EMILIN2: variants seen among roughly 807,000 people sequenced by gnomAD.
EMILIN2 encodes the protein elastin microfibril interfacer 2.
EMILIN2 carries 71 observed loss-of-function variants against 87.1 expected under a neutral mutation model. The ratio of observed to expected loss-of-function variants is 0.82; its 90% CI spans 0.67 to 0.99. The LOEUF is 0.99. Ranked by LOEUF, EMILIN2 falls within the 50% of genes least tolerant of loss-of-function variation. The pLI is 0.00. For synonymous variants in EMILIN2, 581 were observed against 563.4 expected (o/e 1.03, Z -0.44); for missense variants, 1,407 against 1,371.8 (o/e 1.03, Z -0.40).
intron 4 of EMILIN2, 85 bp from the exon 5 acceptor site, chr18:2,906,698 G>A (rs1314977734): frequency 9.2e-7 from 1 of 1,087,456 alleles, no homozygotes; most frequent in Non-Finnish European, 1.2e-6. Context: ...CCCGCTCGCC[G>A]GGACTCATGG....
At chr18:2,899,956 A>G (rs1386800296) in intron 4 of EMILIN2, among the ~76,000 whole-genome samples, 2 of 152,224 alleles carry the variant, frequency 1.3e-5, no homozygotes, top group African/African-American at 4.8e-5. Context: ...CTAAAGCTGT[A>G]TTTATATTTC....
intron 2 of EMILIN2, among the ~76,000 whole-genome samples, chr18:2,858,583 G>GTGTGTGTGTATATATA (rs1180735843): frequency 1.3e-4 from 8 of 63,040 alleles, no homozygotes; most frequent in African/African-American, 6.5e-4. Context: ...GTGTGTGTGT[G>GTGTGTGTGTATATATA]TATATATATA....
chr18:2,884,833 C>T, intron 2 of EMILIN2, 131 bp from the exon 3 acceptor site: 1 of 928,802 alleles, frequency 1.1e-6, no homozygotes, highest in Non-Finnish European at 1.5e-6. Context: ...AGGAGACCAA[C>T]ATCCCCTCTG....
intron 6 of EMILIN2, among the ~76,000 whole-genome samples, 176 bp from the exon 7 acceptor site, chr18:2,909,515 G>A (rs1171132749): frequency 6.6e-6 from 1 of 152,212 alleles, no homozygotes; most frequent in Non-Finnish European, 1.5e-5. Context: ...CCTGCCTGCT[G>A]ATCCTCAGAC....
intron 2 of EMILIN2, among the ~76,000 whole-genome samples, chr18:2,870,273 T>TA (rs2076713115): frequency 6.6e-6 from 1 of 152,222 alleles, no homozygotes; most frequent in African/African-American, 2.4e-5. Flanking sequence ...CATAATGAAG[T>TA]AAAAAACATT....
chr18:2,851,937 G>A (rs1041842659), intron 2 of EMILIN2, among the ~76,000 whole-genome samples: 3 of 152,264 alleles, frequency 2.0e-5, no homozygotes, highest in East Asian at 1.9e-4. Context: ...CATTCCCTAA[G>A]TTGCTTGTGA....
chr18:2,871,263 G>T (rs1041641592), intron 2 of EMILIN2, among the ~76,000 whole-genome samples: 2 of 152,124 alleles, frequency 1.3e-5, no homozygotes, highest in Non-Finnish European at 2.9e-5. Flanking sequence ...TTTTGTGGAG[G>T]ATGGGGTCTT....
intron 2 of EMILIN2, among the ~76,000 whole-genome samples, chr18:2,874,777 T>A (rs2076739118): frequency 6.6e-6 from 1 of 152,132 alleles, no homozygotes; most frequent in Non-Finnish European, 1.5e-5. Flanking sequence ...CTAGATTTTT[T>A]AAAAACGAGA....
chr18:2,907,055 C>CAGA lies in EMILIN2; in HGVS notation c.2632_2633insAGA (p.Pro878delinsGlnThr). ...CGGCCAGACCGGGAGCGGCACCGTC[C>CAGA]CCGGCGCAGAAGGCTTCGCGGGCGC... is the stretch of plus-strand genomic sequence containing the variant. On this transcript the variant is annotated protein_altering_variant, in exon 5 of 8. Transcript: ENST00000254528. 7.9e-7 allele frequency: 1 copy of CAGA among 1,267,936 alleles called. No individual in the cohort carries two copies. Among genetic ancestry groups the CAGA allele is most frequent in the South Asian group, 3.0e-5 (1 of 33,298 alleles). 78.5% of individuals were successfully genotyped at this position (1,267,936 alleles called of 1,614,324 possible).
At chr18:2,906,245 T>C (rs4798045) in intron 4 of EMILIN2, 5 of 152,272 alleles carry the variant, frequency 3.3e-5, no homozygotes, top group African/African-American at 1.2e-4. Flanking sequence ...GCTTCCTCCG[T>C]TGGAAGTCCC....
chr18:2,858,824 C>CG (rs2076645991), intron 2 of EMILIN2, among the ~76,000 whole-genome samples: 1 of 151,028 alleles, frequency 6.6e-6, no homozygotes. Flanking sequence ...TTAGTTGAGA[C>CG]GGGGTTTCAC....
chr18:2,883,589 C>A (rs181260452), intron 2 of EMILIN2, among the ~76,000 whole-genome samples: 1 of 152,172 alleles, frequency 6.6e-6, no homozygotes, highest in African/African-American at 2.4e-5. Context: ...GGGGCCGCTG[C>A]GGGGGCTGAA....
chr18:2,867,961 C>T (rs538689783), intron 2 of EMILIN2, among the ~76,000 whole-genome samples: 18 of 150,006 alleles, frequency 1.2e-4, no homozygotes, highest in Admixed American at 2.6e-4. Flanking sequence ...CCGGACGGGG[C>T]GGCTGGCCGG....
At chr18:2,858,208 T>C (rs2076637438) in intron 2 of EMILIN2, among the ~76,000 whole-genome samples, 1 of 151,808 alleles carries the variant, frequency 6.6e-6, no homozygotes, top group African/African-American at 2.4e-5. Context: ...TGGTATTTGG[T>C]TACATGAGTA....
intron 2 of EMILIN2, among the ~76,000 whole-genome samples, chr18:2,869,768 CTG>C (rs137882349): frequency 1.8e-4 from 26 of 143,978 alleles, no homozygotes; most frequent in East Asian, 5.9e-4. Flanking sequence ...ATAGATTCCT[CTG>C]TGTGTGTGTG....
intron 2 of EMILIN2, among the ~76,000 whole-genome samples, chr18:2,857,300 A>G (rs1286000538): frequency 6.6e-6 from 1 of 151,960 alleles, no homozygotes; most frequent in Admixed American, 6.6e-5. Flanking sequence ...ATCTCTGTGC[A>G]CCTTTGTGAT....
chr18:2,881,007 G>GA, intron 2 of EMILIN2, among the ~76,000 whole-genome samples: 1 of 152,218 alleles, frequency 6.6e-6, no homozygotes, highest in East Asian at 1.9e-4. Flanking sequence ...GGGTGACCCA[G>GA]AATCCTCCTT....
chr18:2,858,981 G>A (rs2076646854), intron 2 of EMILIN2, among the ~76,000 whole-genome samples: 1 of 152,088 alleles, frequency 6.6e-6, no homozygotes, highest in Admixed American at 6.5e-5. Context: ...TGCACATTTG[G>A]GTTGGTTCCA....
In EMILIN2 at chr18:2,847,094, C is replaced by A; in HGVS notation, c.-95C>A. On this transcript the variant is annotated 5_prime_UTR_variant, in exon 1 of 8. Coordinates refer to ENST00000254528, the MANE Select transcript of EMILIN2 (RefSeq NM_032048.3). This position sits in a 1 kb window ranked among gnomAD's most constrained non-coding sequence, Gnocchi z 4.5. The stretch of plus-strand genomic sequence containing the variant: ...GAAGCGCCCGAGCCTCTTGCCTTCG[C>A]GGGCGGCGCCCTGGCCGCCGGCAGC... The A allele has an allele frequency of 1.9e-6, 2 of 1,072,646 alleles. No individual in the cohort carries two copies. Among genetic ancestry groups the A allele is most frequent in the Admixed American group, 4.9e-5 (1 of 20,270 alleles). 66.4% of individuals were successfully genotyped at this position (1,072,646 alleles called of 1,614,324 possible).
Sources: gnomAD v4.1 joint callset for allele counts (sites outside exome capture counted in the v4.1 genomes callset) on GRCh38, gnomAD v4.1.1 for gene constraint, Gnocchi (gnomAD v3.1) non-coding constraint, MANE v1.5 for transcripts, NCBI Gene and HGNC (gene_info 2026-07-23, HGNC 2026-07-21) for gene names.